RTN4: variants seen among roughly 807,000 people sequenced by gnomAD.
RTN4 encodes the protein reticulon 4, also known as reticulon-4.
In RTN4, 32 loss-of-function variants were observed where a neutral mutation model predicts 90.4. That is an observed-to-expected ratio of 0.35 (90% CI 0.27 to 0.48). The LOEUF is 0.48. RTN4 is among the 20% of genes least tolerant of loss of function. The pLI is 0.99. For missense variants in RTN4, 1,706 were observed against 1,430.2 expected, an observed-to-expected ratio of 1.19 and a Z score of -3.11; for synonymous variants, 629 against 552.5, an observed-to-expected ratio of 1.14 and a Z score of -1.94.
At chr2:55,015,569 C>T (rs578020603) in intron 3 of RTN4, among the ~76,000 whole-genome samples, 3 of 152,124 alleles carry the variant, frequency 2.0e-5, no homozygotes, top group South Asian at 2.1e-4. Context: ...AGAGTATGAA[C>T]AAGCAAAAAT....
intron 1 of RTN4, 60 bp downstream of exon 1, chr2:55,049,685 T>C: frequency 6.8e-7 from 1 of 1,468,900 alleles, no homozygotes; most frequent in East Asian, 2.7e-5. Flanking sequence ...CATCTGGGGC[T>C]GCACACAAAA....
intron 1 of RTN4, among the ~76,000 whole-genome samples, chr2:55,085,295 G>C (rs1233649095): frequency 2.0e-5 from 3 of 151,426 alleles, no homozygotes; most frequent in African/African-American, 7.3e-5. Flanking sequence ...GGGGGTGTGT[G>C]TGTATATATA....
intron 1 of RTN4, among the ~76,000 whole-genome samples, chr2:55,034,362 C>G (rs766647920): frequency 6.6e-6 from 1 of 151,962 alleles, no homozygotes; most frequent in African/African-American, 2.4e-5. Flanking sequence ...ATTAGCCAGG[C>G]ACGGTAGCGT....
the RTN4 span, among the ~76,000 whole-genome samples, chr2:55,127,333 G>A: frequency 3.9e-5 from 6 of 152,242 alleles, no homozygotes; most frequent in East Asian, 7.7e-4. Flanking sequence ...TTCATTTCAC[G>A]CTTGGGCAGC....
chr2:55,099,072 G>C (rs1034026212), intron 1 of RTN4, among the ~76,000 whole-genome samples: 39 of 152,072 alleles, frequency 2.6e-4, no homozygotes, highest in Admixed American at 9.2e-4. Flanking sequence ...TAGTTCTTTA[G>C]AGGCCATAGA....
chr2:55,056,340 C>A (rs1668190251), intron 2 of RTN4: 1 of 152,078 alleles, frequency 6.6e-6, no homozygotes, highest in Non-Finnish European at 1.5e-5. Context: ...ATTCAGGTAA[C>A]CCTTATTTTA....
intron 1 of RTN4, among the ~76,000 whole-genome samples, chr2:55,089,060 G>A (rs1453532850): frequency 6.6e-6 from 1 of 152,116 alleles, no homozygotes; most frequent in African/African-American, 2.4e-5. Context: ...AGCCTCCCGA[G>A]TAGCTGGGAC....
intron 3 of RTN4, among the ~76,000 whole-genome samples, chr2:55,021,201 A>G (rs1681402517): frequency 6.6e-6 from 1 of 152,148 alleles, no homozygotes. Context: ...TTATCAGACC[A>G]CTGCTGTATT....
intron 2 of RTN4, among the ~76,000 whole-genome samples, chr2:55,062,651 A>C (rs139110296): frequency 6.6e-6 from 1 of 152,244 alleles, no homozygotes; most frequent in Non-Finnish European, 1.5e-5. Flanking sequence ...GAGACACAGA[A>C]TATCTGACCC....
chr2:55,105,111 G>C (rs947145331), intron 1 of RTN4, among the ~76,000 whole-genome samples: 3 of 150,502 alleles, frequency 2.0e-5, no homozygotes, highest in Non-Finnish European at 4.4e-5. Flanking sequence ...CCTGCTCATT[G>C]TTTTCATTAG....
At chr2:54,991,286 C>G (rs1251036763) in intron 3 of RTN4, among the ~76,000 whole-genome samples, 1 of 152,158 alleles carries the variant, frequency 6.6e-6, no homozygotes, top group Admixed American at 6.5e-5. Flanking sequence ...GAGGTTTGCA[C>G]TGTACAACAT....
chr2:55,057,826 A>C (rs1436774840), intron 2 of RTN4, among the ~76,000 whole-genome samples: 1 of 152,160 alleles, frequency 6.6e-6, no homozygotes, highest in Admixed American at 6.6e-5. Context: ...TCTACAAAAA[A>C]TAAAAAATTA....
At chr2:55,021,104 A>AT (rs975255459) in intron 3 of RTN4, among the ~76,000 whole-genome samples, 4 of 152,174 alleles carry the variant, frequency 2.6e-5, no homozygotes, top group Non-Finnish European at 5.9e-5. Context: ...AAGACCCAGA[A>AT]TTTTTTTAAA....
chr2:55,045,758 T>C (rs1417558851), intron 1 of RTN4, among the ~76,000 whole-genome samples: 1 of 152,230 alleles, frequency 6.6e-6, no homozygotes, highest in East Asian at 1.9e-4. Context: ...AATTCCTTAA[T>C]TTGGCATTCA....
intron 1 of RTN4, among the ~76,000 whole-genome samples, chr2:55,036,599 C>CAAAAA (rs71410411): frequency 1.4e-5 from 1 of 72,986 alleles, no homozygotes; most frequent in African/African-American, 5.4e-5. Flanking sequence ...AAGACTGTCT[C>CAAAAA]AAAAAAAAAA....
chr2:55,026,226 G>T lies in RTN4; in HGVS notation c.1873C>A (p.Pro625Thr). The change falls in exon 3 of 9, where the codon CCT becomes ACT. Residue 625 changes from proline (P) to threonine (T), a missense_variant. Coordinates refer to ENST00000337526, the MANE Select transcript of RTN4 (RefSeq NM_020532.5). ...VMEAPLNSAV[P>T]SAGASVIQPS... ...TGTATCACGGAAGCACCAGCACTAG[G>T]AACTGCAGAATTCAATGGTGCTTCC... is the stretch of plus-strand genomic sequence containing the variant. 3 of 1,613,790 alleles carry T rather than the reference G, an allele frequency of 1.9e-6. No individual in the cohort carries two copies. The highest frequency in any genetic ancestry group is 1.7e-5 in the Admixed American group (1 of 59,904).
chr2:55,110,305 T>C (rs1668015310), intron 1 of RTN4, among the ~76,000 whole-genome samples: 1 of 118,566 alleles, frequency 8.4e-6, no homozygotes, highest in East Asian at 2.2e-4. Flanking sequence ...AGGGAGACCC[T>C]GTCTCAAAAA....
intron 1 of RTN4, among the ~76,000 whole-genome samples, chr2:55,103,820 A>G (rs2972085): frequency 0.98 from 149,323 of 151,816 alleles, 73,466 homozygotes; most frequent in Admixed American, 0.99. Context: ...CCAGTCTCCC[A>G]AGTAGCTAGA....
chr2:55,094,091 C>G (rs1318967388), intron 1 of RTN4, among the ~76,000 whole-genome samples: 1 of 152,140 alleles, frequency 6.6e-6, no homozygotes, highest in Non-Finnish European at 1.5e-5. Flanking sequence ...TATGTTAAAG[C>G]TGCACCCTCA....
Sources: gnomAD v4.1 joint callset for allele counts (sites outside exome capture counted in the v4.1 genomes callset) on GRCh38, gnomAD v4.1.1 for gene constraint, MANE v1.5 for transcripts, NCBI Gene and HGNC (gene_info 2026-07-23, HGNC 2026-07-21) for gene names.